L3HYPDH: variants seen among roughly 807,000 people sequenced by gnomAD.
The protein encoded by L3HYPDH is trans-L-3-hydroxyproline dehydratase, also known as trans-3-hydroxy-L-proline dehydratase.
L3HYPDH carries 32 observed loss-of-function variants against 26.5 expected under a neutral mutation model. That is an observed-to-expected ratio of 1.21 (90% CI 0.91 to 1.62). L3HYPDH has a LOEUF of 1.62. Ranked by LOEUF, L3HYPDH falls within the 40% of genes most tolerant of loss-of-function variation. The pLI, the probability that L3HYPDH is intolerant of heterozygous loss-of-function variation, is 0.00. For synonymous variants in L3HYPDH, 215 were observed against 196.6 expected, an observed-to-expected ratio of 1.09 and a Z score of -0.78; for missense variants, 554 against 476.4, an observed-to-expected ratio of 1.16 and a Z score of -1.52.
At chr14:59,484,683 G>A (rs997603033), upstream of L3HYPDH, 1 of 1,469,828 alleles carries the variant, frequency 6.8e-7, no homozygotes, top group Non-Finnish European at 9.3e-7. Context: ...CTTTGTAGGC[G>A]GCCTTCGGTT....
the L3HYPDH span, among the ~76,000 whole-genome samples, chr14:59,502,621 AATC>A: frequency 6.6e-6 from 1 of 152,112 alleles, no homozygotes; most frequent in Non-Finnish European, 1.5e-5. Flanking sequence ...TTTCCTTTGT[AATC>A]ATCTTTAACC....
At chr14:59,476,991 A>G (rs1425529425) in intron 2 of L3HYPDH, among the ~76,000 whole-genome samples, 1 of 152,260 alleles carries the variant, frequency 6.6e-6, no homozygotes, top group East Asian at 1.9e-4. Context: ...GCTTACAATT[A>G]GTACTTTCTA....
chr14:59,475,403 A>G (rs958340002), intron 4 of L3HYPDH, among the ~76,000 whole-genome samples: 1 of 152,224 alleles, frequency 6.6e-6, no homozygotes, highest in African/African-American at 2.4e-5. Context: ...ACATATGAAT[A>G]ACACATTTTT....
chr14:59,484,580 C>A (rs748020187), upstream of L3HYPDH: 4 of 1,575,674 alleles, frequency 2.5e-6, no homozygotes, highest in Admixed American at 1.8e-5. Flanking sequence ...AAAAAACCTT[C>A]AGGCGGCCCA....
chr14:59,501,593 C>T, the L3HYPDH span, among the ~76,000 whole-genome samples: 5 of 152,088 alleles, frequency 3.3e-5, no homozygotes, highest in Non-Finnish European at 5.9e-5. Flanking sequence ...TTGAGAAAAA[C>T]CATAAAAATG....
At chr14:59,491,719 G>A in the L3HYPDH span, among the ~76,000 whole-genome samples, 320 of 152,300 alleles carry the variant, frequency 2.1e-3, 1 homozygote, top group African/African-American at 6.9e-3. Flanking sequence ...AGATCTCCAG[G>A]AACTCTTCTC....
chr14:59,478,767 C>T (rs1403103968), intron 2 of L3HYPDH: 2 of 156,318 alleles, frequency 1.3e-5, no homozygotes, highest in Non-Finnish European at 2.8e-5. Flanking sequence ...AGGTTATATA[C>T]GTTACCAGTG....
chr14:59,485,316 A>C (rs1890455437), upstream of L3HYPDH: 1 of 502,822 alleles, frequency 2.0e-6, no homozygotes, highest in Non-Finnish European at 3.3e-6. Flanking sequence ...ATTAATTTAG[A>C]ACATTGTGAT....
At chr14:59,468,022 T>G (rs1344446528), downstream of L3HYPDH, among the ~76,000 whole-genome samples, 1 of 152,140 alleles carries the variant, frequency 6.6e-6, no homozygotes, top group African/African-American at 2.4e-5. Context: ...TCTTCCCACA[T>G]CCAGTTCCTA....
chr14:59,482,609 C>A (rs8019496), intron 1 of L3HYPDH, among the ~76,000 whole-genome samples: 59,496 of 151,988 alleles, frequency 0.39, 12,412 homozygotes, highest in African/African-American at 0.53. Flanking sequence ...CCTCAAGTGG[C>A]CTCCCAGTCT....
intron 1 of L3HYPDH, among the ~76,000 whole-genome samples, chr14:59,467,446 A>G (rs879417947): frequency 4.9e-4 from 75 of 152,276 alleles, no homozygotes; most frequent in Middle Eastern, 6.8e-3. Flanking sequence ...GAGCAAGTGC[A>G]TGGTTCAGAA....
At chr14:59,469,288 C>T (rs1718042910), downstream of L3HYPDH, among the ~76,000 whole-genome samples, 1 of 152,064 alleles carries the variant, frequency 6.6e-6, no homozygotes, top group Non-Finnish European at 1.5e-5. Context: ...GGCGCGGTGG[C>T]TCATGCCTGT....
the L3HYPDH span, chr14:59,501,142 T>A: frequency 8.7e-7 from 1 of 1,145,890 alleles, no homozygotes; most frequent in Non-Finnish European, 1.3e-6. Flanking sequence ...GATGGTTTAT[T>A]GAGAAAATTT....
downstream of L3HYPDH, among the ~76,000 whole-genome samples, chr14:59,471,644 A>C (rs1889314163): frequency 6.6e-6 from 1 of 152,236 alleles, no homozygotes; most frequent in South Asian, 2.1e-4. Context: ...CCATGGAATC[A>C]TGCATTTCTG....
In L3HYPDH at chr14:59,465,956, T is replaced by C. The variant is rs146181637; in HGVS notation, n.31-4783A>G. ...GGTTCGCGGGTGGTGATGATGATGC[T>C]GGTCCCAGGACCACACTTACAGAAG... On this transcript the variant is annotated intron_variant and non_coding_transcript_variant, in intron 1 of 2. Transcript: ENST00000466522. 3.0e-3 allele frequency among the ~76,000 whole-genome samples: 450 copies of C among 152,314 alleles called. 2 individuals carry two copies. Among genetic ancestry groups the C allele is most frequent in the African/African-American group, 0.01 (428 of 41,568 alleles).
intron 3 of L3HYPDH, 39 bp downstream of exon 3, chr14:59,476,053 T>G: frequency 6.2e-7 from 1 of 1,613,778 alleles, no homozygotes; most frequent in Non-Finnish European, 8.5e-7. Flanking sequence ...GTGTTCCATA[T>G]TACCTGGCTT....
At chr14:59,472,089 TC>T (rs2139794564), downstream of L3HYPDH, among the ~76,000 whole-genome samples, 1 of 152,332 alleles carries the variant, frequency 6.6e-6, no homozygotes, top group Non-Finnish European at 1.5e-5. Context: ...CACAAAAGAC[TC>T]TACTGAATTC....
the L3HYPDH span, among the ~76,000 whole-genome samples, chr14:59,498,385 A>T: frequency 1.3e-5 from 2 of 152,230 alleles, no homozygotes; most frequent in Non-Finnish European, 2.9e-5. Context: ...GGGCTTTATT[A>T]TAAGTGATTC....
At chr14:59,492,826 C>A in the L3HYPDH span, among the ~76,000 whole-genome samples, 1 of 134,650 alleles carries the variant, frequency 7.4e-6, no homozygotes, top group Non-Finnish European at 1.5e-5. Flanking sequence ...TGAGACGAGT[C>A]TTGCTCTGTT....
Sources: gnomAD v4.1 joint callset for allele counts (sites outside exome capture counted in the v4.1 genomes callset) on GRCh38, gnomAD v4.1.1 for gene constraint, MANE v1.5 for transcripts, NCBI Gene and HGNC (gene_info 2026-07-23, HGNC 2026-07-21) for gene names.